The following STRAP variants were observed in gnomAD, a reference collection of about 807,000 sequenced individuals.
STRAP encodes serine/threonine kinase receptor associated protein.
In STRAP, 16 loss-of-function variants were observed where a neutral mutation model predicts 47.0. That is an observed-to-expected ratio of 0.34 (90% confidence interval 0.23 to 0.52). The LOEUF (loss-of-function observed/expected upper bound fraction) is 0.52. Ranked by LOEUF, STRAP falls within the 20% of genes least tolerant of loss-of-function variation. The pLI, the probability that STRAP is intolerant of heterozygous loss-of-function variation, is 0.96. For synonymous variants in STRAP, 130 were observed against 142.7 expected, an observed-to-expected ratio of 0.91 and a Z score of 0.63; for missense variants, 293 against 420.0, an observed-to-expected ratio of 0.70 and a Z score of 2.64.
At chr12:15,898,505 C>T (rs148052910) in intron 7 of STRAP, among the ~76,000 whole-genome samples, 3 of 152,194 alleles carry the variant, frequency 2.0e-5, no homozygotes, top group South Asian at 2.1e-4. Context: ...ACAGGGATAC[C>T]TTTAGGAATC....
chr12:15,902,884 ACT>A, intron 9 of STRAP, 31 bp from the exon 10 acceptor site: 4 of 764,358 alleles, frequency 5.2e-6, no homozygotes, highest in South Asian at 1.8e-5. Context: ...GACTAATGTG[ACT>A]TTTTTTTTTT....
intron 7 of STRAP, chr12:15,898,408 C>T (rs1948077728): frequency 6.5e-6 from 1 of 154,776 alleles, no homozygotes; most frequent in Non-Finnish European, 1.4e-5. Context: ...ACCCCATCTA[C>T]TTGGCCCGTC....
chr12:15,886,531 A>G (rs929309427), intron 2 of STRAP, among the ~76,000 whole-genome samples: 4 of 152,184 alleles, frequency 2.6e-5, no homozygotes, highest in African/African-American at 7.2e-5. Flanking sequence ...TTTCTCCACC[A>G]TATATCCCTG....
At chr12:15,892,769 T>C (rs1193281280) in intron 4 of STRAP, among the ~76,000 whole-genome samples, 1 of 152,134 alleles carries the variant, frequency 6.6e-6, no homozygotes, top group East Asian at 1.9e-4. Context: ...TGCCAAAACA[T>C]AGCAAAGGAC....
At chr12:15,899,845 T>C in intron 7 of STRAP, 59 bp from the exon 8 acceptor site, 2 of 1,485,632 alleles carry the variant, frequency 1.3e-6, no homozygotes, top group Non-Finnish European at 1.8e-6. Context: ...TTTTTTTTTT[T>C]AGCATATCAA....
chr12:15,898,981 T>A (rs1191985727), intron 7 of STRAP, among the ~76,000 whole-genome samples: 1 of 152,256 alleles, frequency 6.6e-6, no homozygotes, highest in African/African-American at 2.4e-5. Context: ...CAGTTTTTAT[T>A]ACTTGAATAC....
chr12:15,891,324 A>G (rs1948013090), intron 4 of STRAP, among the ~76,000 whole-genome samples: 1 of 152,212 alleles, frequency 6.6e-6, no homozygotes, highest in Non-Finnish European at 1.5e-5. Context: ...GAGAATTCTC[A>G]GTTGTGTGCA....
Position 15,903,068 on chromosome 12 carries a change from G to A in STRAP, c.*90G>A. 1 of 1,337,748 alleles carries A rather than the reference G, an allele frequency of 7.5e-7. No homozygotes were observed. The highest frequency in any genetic ancestry group is 1.5e-5 in the African/African-American group (1 of 67,276). 82.9% of individuals were successfully genotyped at this position (1,337,748 alleles called of 1,614,324 possible). A position where few individuals can be genotyped will look rare whatever the true frequency, so the allele number is the denominator to read the frequency against. On this transcript the variant is annotated 3_prime_UTR_variant, in exon 10 of 10. Coordinates refer to ENST00000419869, the MANE Select transcript of STRAP (RefSeq NM_007178.4). ...CCTTCCAGAGTTACTGTCTGCTTAAGGCAGAAACAGCAGTAAATAATGAGG... is the reference window on the plus strand; with the variant it reads ...CCTTCCAGAGTTACTGTCTGCTTAAAGCAGAAACAGCAGTAAATAATGAGG...
intron 2 of STRAP, among the ~76,000 whole-genome samples, chr12:15,889,427 A>G (rs1011600247): frequency 1.1e-4 from 17 of 151,876 alleles, no homozygotes; most frequent in Non-Finnish European, 2.2e-4. Flanking sequence ...TTAATTTAAA[A>G]TTTTACTTAG....
intron 4 of STRAP, among the ~76,000 whole-genome samples, chr12:15,893,264 C>G (rs966350277): frequency 2.0e-5 from 3 of 151,710 alleles, no homozygotes; most frequent in African/African-American, 7.3e-5. Flanking sequence ...CCTTCCAACC[C>G]TTATTTCTCA....
intron 9 of STRAP, among the ~76,000 whole-genome samples, chr12:15,901,603 A>G (rs938516468): frequency 6.6e-6 from 1 of 152,148 alleles, no homozygotes; most frequent in African/African-American, 2.4e-5. Flanking sequence ...TACTAAGAGC[A>G]ATGAGAAACC....
intron 4 of STRAP, among the ~76,000 whole-genome samples, chr12:15,893,239 C>G (rs1345511506): frequency 1.3e-5 from 2 of 151,846 alleles, no homozygotes; most frequent in African/African-American, 4.8e-5. Context: ...GTCCCACTTT[C>G]TATTTCCCTT....
At chr12:15,886,643 G>T (rs1452310901) in intron 2 of STRAP, among the ~76,000 whole-genome samples, 2 of 152,114 alleles carry the variant, frequency 1.3e-5, no homozygotes, top group Non-Finnish European at 2.9e-5. Flanking sequence ...GTAGGAGCGT[G>T]TTTTCATGTG....
At chr12:15,884,175 G>A (rs938918476) in intron 2 of STRAP, among the ~76,000 whole-genome samples, 28 of 152,164 alleles carry the variant, frequency 1.8e-4, no homozygotes, top group African/African-American at 6.8e-4. Flanking sequence ...AAGCATTCTT[G>A]ATTTTCCCTT....
rs1473659360 is a variant in STRAP, at chr12:15,882,746, C to A, written c.39C>A (p.His13Gln). Reference protein sequence around the residue: ...MRQTPLTCSGHTRPVVDLAFS... With the variant: ...MRQTPLTCSGQTRPVVDLAFS... ...AGACGCCGCTCACCTGCTCTGGCCA[C>A]ACGCGACCCGTGGTTGATTTGGCCT... The change falls in exon 1 of 10, where the codon CAC becomes CAA. Residue 13 changes from histidine (H) to glutamine (Q), a missense_variant. By Grantham distance (24) the His-to-Gln change is conservative. Coordinates refer to ENST00000419869, the MANE Select transcript of STRAP (RefSeq NM_007178.4). 6.2e-7 allele frequency: 1 copy of A among 1,613,488 alleles called. No homozygotes were observed. The highest frequency in any genetic ancestry group is 1.7e-5 in the Admixed American group (1 of 60,008).
rs1417365613 is a variant in STRAP, at chr12:15,894,194, T to C, written c.500+51T>C. 1 of 1,463,102 alleles carries C rather than the reference T, an allele frequency of 6.8e-7. No homozygotes were observed. The allele number at this position is 1,463,102 out of a possible 1,614,324, so 90.6% of individuals were successfully genotyped here. A position where few individuals can be genotyped will look rare whatever the true frequency, so the allele number is the denominator to read the frequency against. ...ACAATTTAAGGCCGGGCATGGTGGC[T>C]CACGCCTATAATCTCAGCACTTTGG... is the stretch of plus-strand genomic sequence containing the variant. On this transcript the variant is annotated intron_variant, in intron 5 of 9. Coordinates refer to ENST00000419869, the MANE Select transcript of STRAP (RefSeq NM_007178.4). The surrounding 1 kb of genome is among the most constrained non-coding windows in gnomAD (Gnocchi z 4.9).
chr12:15,893,171 C>T (rs1948031019), intron 4 of STRAP, among the ~76,000 whole-genome samples: 1 of 151,998 alleles, frequency 6.6e-6, no homozygotes, highest in Admixed American at 6.6e-5. Context: ...CAGATTTAAG[C>T]TCCCTTCCTT....
In STRAP at chr12:15,895,506, A is replaced by G. The variant is rs753137516; in HGVS notation, c.638+10A>G. The G allele has an allele frequency of 8.2e-6, 13 of 1,580,690 alleles. No individual in the cohort carries two copies. In the African/African-American group the frequency reaches 1.8e-4, roughly 22 times the overall value. ...TTCATAGTGCAGTAAGGTATGTCCAAGAAATACTTTCATTTTCTTTTTTAG... is the reference window on the plus strand; with the variant it reads ...TTCATAGTGCAGTAAGGTATGTCCAGGAAATACTTTCATTTTCTTTTTTAG... On this transcript the variant is annotated intron_variant, in intron 6 of 9. Transcript: ENST00000419869.
At chr12:15,899,410 A>T (rs1055374836) in intron 7 of STRAP, among the ~76,000 whole-genome samples, 9 of 152,224 alleles carry the variant, frequency 5.9e-5, no homozygotes, top group African/African-American at 2.2e-4. Context: ...TTGTTGATCT[A>T]TATCTCACCT....
Sources: allele counts gnomAD v4.1 joint callset (sites outside exome capture counted in the v4.1 genomes callset), GRCh38; gene constraint gnomAD v4.1.1; non-coding constraint Gnocchi (gnomAD v3.1); transcripts MANE v1.5; gene names NCBI Gene and HGNC (gene_info 2026-07-23, HGNC 2026-07-21).